Variants in PDE4D observed in about 807,000 individuals in gnomAD.
The protein encoded by PDE4D is phosphodiesterase 4D.
In PDE4D, 24 loss-of-function variants were observed where a neutral mutation model predicts 87.4. The observed-to-expected ratio is 0.27, with a 90% confidence interval of 0.20 to 0.39. PDE4D has a LOEUF of 0.39. Ranked by LOEUF, PDE4D falls within the 10% of genes least tolerant of loss-of-function variation. PDE4D has a pLI of 1.00. For synonymous variants in PDE4D, 384 were observed against 383.2 expected (o/e 1.00, Z -0.02); for missense variants, 714 against 1,041.0 (o/e 0.69, Z 4.32).
At chr5:60,505,068 A>G (rs1750264202) in intron 1 of PDE4D, among the ~76,000 whole-genome samples, 1 of 152,246 alleles carries the variant, frequency 6.6e-6, no homozygotes, top group Non-Finnish European at 1.5e-5. Flanking sequence ...CCTGAAAGCT[A>G]GCATTTCTTG....
At chr5:60,474,150 A>ATATATAT (rs1274940940) in intron 1 of PDE4D, among the ~76,000 whole-genome samples, 275 of 96,208 alleles carry the variant, frequency 2.9e-3, no homozygotes, top group Non-Finnish European at 3.5e-3. Flanking sequence ...ATATATATAT[A>ATATATAT]ACAAAAACCT....
At chr5:60,128,594 G>A (rs1263733068) in intron 2 of PDE4D, among the ~76,000 whole-genome samples, 1 of 152,228 alleles carries the variant, frequency 6.6e-6, no homozygotes, top group East Asian at 1.9e-4. Flanking sequence ...GTGGAAGGCA[G>A]CTGGTGAACC....
At chr5:60,519,514 T>G (rs1396554869) in intron 1 of PDE4D, among the ~76,000 whole-genome samples, 2 of 152,214 alleles carry the variant, frequency 1.3e-5, no homozygotes, top group South Asian at 4.1e-4. Flanking sequence ...CCAATCACCT[T>G]TCAACAAGCA....
chr5:59,477,777 A>G (rs2153654796), intron 1 of PDE4D, among the ~76,000 whole-genome samples: 1 of 152,236 alleles, frequency 6.6e-6, no homozygotes, highest in East Asian at 1.9e-4. Flanking sequence ...TGTTCACAAT[A>G]GCAAAGACAT....
At chr5:60,110,913 A>C (rs982952776) in intron 2 of PDE4D, among the ~76,000 whole-genome samples, 5 of 152,112 alleles carry the variant, frequency 3.3e-5, no homozygotes, top group Non-Finnish European at 5.9e-5. Flanking sequence ...CAGAAAGATA[A>C]ATACCGCACA....
chr5:59,516,291 G>T (rs1358726843), intron 1 of PDE4D, among the ~76,000 whole-genome samples: 2 of 152,166 alleles, frequency 1.3e-5, no homozygotes, highest in Non-Finnish European at 2.9e-5. Context: ...TCCCCAGGCA[G>T]TCACTTTCTC....
chr5:60,121,715 T>C (rs1008252048), intron 2 of PDE4D, among the ~76,000 whole-genome samples: 9 of 152,202 alleles, frequency 5.9e-5, no homozygotes, highest in Non-Finnish European at 1.3e-4. Context: ...AGCTAAACCA[T>C]ATAATTCCCC....
chr5:59,522,422 C>G (rs1446033543), intron 1 of PDE4D, among the ~76,000 whole-genome samples: 1 of 152,150 alleles, frequency 6.6e-6, no homozygotes, highest in East Asian at 1.9e-4. Flanking sequence ...GTGTCACTGT[C>G]CACTATTTTA....
chr5:59,741,228 G>C (rs1758786990), intron 1 of PDE4D, among the ~76,000 whole-genome samples: 1 of 152,080 alleles, frequency 6.6e-6, no homozygotes, highest in South Asian at 2.1e-4. Context: ...ACACTTTTCT[G>C]TGCCATCCTG....
At chr5:59,156,309 G>GAA (rs138297866) in intron 5 of PDE4D, among the ~76,000 whole-genome samples, 5,883 of 51,872 alleles carry the variant, frequency 0.11, 251 homozygotes, top group Non-Finnish European at 0.15. Flanking sequence ...AGACTTGCCA[G>GAA]AAAAAAAAAA....
At chr5:59,999,538 AAAACAAAAC>A (rs1263362380) in intron 2 of PDE4D, among the ~76,000 whole-genome samples, 1 of 130,742 alleles carries the variant, frequency 7.6e-6, no homozygotes, top group African/African-American at 2.9e-5. Flanking sequence ...AAAAAAAAAA[AAAACAAAAC>A]AAAACTGGAG....
At chr5:59,172,915 A>G (rs1783244292) in intron 5 of PDE4D, 1 of 152,110 alleles carries the variant, frequency 6.6e-6, no homozygotes, top group Non-Finnish European at 1.5e-5. Context: ...TAATAATATT[A>G]TAGCAATAAT....
At chr5:60,267,404 T>C (rs1368386398) in intron 1 of PDE4D, among the ~76,000 whole-genome samples, 1 of 152,202 alleles carries the variant, frequency 6.6e-6, no homozygotes, top group Non-Finnish European at 1.5e-5. Flanking sequence ...AAAAGATAAT[T>C]AGAGCACTTC....
At chr5:59,615,263 A>T (rs1230747800) in intron 1 of PDE4D, among the ~76,000 whole-genome samples, 2 of 152,108 alleles carry the variant, frequency 1.3e-5, no homozygotes, top group Non-Finnish European at 2.9e-5. Context: ...GTTTCCTGGG[A>T]TATATTAGAC....
At chr5:59,874,195 C>CTCA (rs1245336492) in intron 1 of PDE4D, among the ~76,000 whole-genome samples, 1 of 152,066 alleles carries the variant, frequency 6.6e-6, no homozygotes, top group African/African-American at 2.4e-5. Flanking sequence ...AGAGTGAGAC[C>CTCA]TCATCTCTGA....
At chr5:59,554,873 G>C (rs189050404) in intron 1 of PDE4D, among the ~76,000 whole-genome samples, 120 of 152,250 alleles carry the variant, frequency 7.9e-4, no homozygotes, top group Non-Finnish European at 1.5e-3. Context: ...CTGAAGAAAT[G>C]TGCTTCCATT....
chr5:59,557,144 T>C (rs146536182), intron 1 of PDE4D, among the ~76,000 whole-genome samples: 2 of 152,294 alleles, frequency 1.3e-5, no homozygotes, highest in East Asian at 3.9e-4. Context: ...CTCTCAAGGT[T>C]CCCCAAGAGT....
intron 1 of PDE4D, among the ~76,000 whole-genome samples, chr5:60,496,994 T>G (rs1053022643): frequency 1.3e-5 from 2 of 152,258 alleles, no homozygotes; most frequent in Admixed American, 6.5e-5. Flanking sequence ...CATAATTTAC[T>G]ATACCAGTTC....
chr5:59,619,851 G>A (rs1830136763), intron 1 of PDE4D, among the ~76,000 whole-genome samples: 1 of 152,172 alleles, frequency 6.6e-6, no homozygotes, highest in South Asian at 2.1e-4. Context: ...ATTGAGAGTA[G>A]ATGCAAAATT....
Sources: allele counts gnomAD v4.1 joint callset (sites outside exome capture counted in the v4.1 genomes callset), GRCh38; gene constraint gnomAD v4.1.1; transcripts MANE v1.5; gene names NCBI Gene and HGNC (gene_info 2026-07-23, HGNC 2026-07-21).